Variants in VAC14 observed in about 807,000 individuals in gnomAD.
VAC14 encodes the protein VAC14 component of PIKFYVE complex.
Under a neutral mutation model 85.3 loss-of-function variants are expected in VAC14, and 47 were observed. That is an observed-to-expected ratio of 0.55 (90% confidence interval 0.44 to 0.70). The LOEUF (loss-of-function observed/expected upper bound fraction) is 0.70, where lower values mean the gene tolerates loss of function less well. Ranked by LOEUF, VAC14 falls within the 30% of genes least tolerant of loss-of-function variation. VAC14 has a pLI of 0.00. For synonymous variants in VAC14, 447 were observed against 430.5 expected (o/e 1.04, Z -0.47); for missense variants, 861 against 1,004.3 (o/e 0.86, Z 1.93).
chr16:70,696,751 A>T, intron 16 of VAC14: 1 of 225,708 alleles, frequency 4.4e-6, no homozygotes, highest in South Asian at 6.7e-5. Flanking sequence ...CCCCCACACC[A>T]GGCCCAGGAG....
At chr16:70,799,987 T>C (rs1297189154) in intron 1 of VAC14, among the ~76,000 whole-genome samples, 1 of 152,192 alleles carries the variant, frequency 6.6e-6, no homozygotes. Context: ...AGAAATACAA[T>C]TCACCTTTTC....
At chr16:70,695,798 T>C (rs1372410627) in intron 16 of VAC14, 175 bp from the exon 17 acceptor site, 2 of 596,222 alleles carry the variant, frequency 3.4e-6, no homozygotes, top group Non-Finnish European at 6.0e-6. Flanking sequence ...CTTTCTGTCC[T>C]AAATGGAACT....
At position 70,780,207 on chromosome 16, in the gene VAC14, A is replaced by G. The variant is rs574254007; in HGVS notation, c.1096+583T>C. On this transcript the variant is annotated intron_variant, in intron 9 of 18. Transcript: ENST00000261776. ...CAGCTAAACAAGAAAATTATGTTAGAGGAGTCTGAAAGGAGAGCAGAGCAA... is the reference window on the plus strand; with the variant it reads ...CAGCTAAACAAGAAAATTATGTTAGGGGAGTCTGAAAGGAGAGCAGAGCAA... 9.9e-5 allele frequency among the ~76,000 whole-genome samples: 15 copies of G among 152,222 alleles called. No homozygotes were observed. In the South Asian group the frequency reaches 3.1e-3, roughly 32 times the overall value.
rs116245403 is a variant in VAC14, at chr16:70,755,687, C to G, written c.1371+6853G>C. On this transcript the variant is annotated intron_variant, in intron 12 of 18. Transcript: ENST00000261776. Reference sequence around the variant, plus strand: ...TCCTCCTAGTCTCCTCCCACTGATACGAGGGGTTGACACATGACCCACCAC... The same window carrying G: ...TCCTCCTAGTCTCCTCCCACTGATAGGAGGGGTTGACACATGACCCACCAC... Among the ~76,000 whole-genome samples, 31 of 152,316 alleles carry G rather than the reference C, an allele frequency of 2.0e-4. 2 individuals are homozygous for G. The South Asian group carries it at 6.0e-3, about 30-fold the overall frequency.
intron 10 of VAC14, chr16:70,766,461 GA>G (rs1361667893): frequency 2.2e-6 from 1 of 456,584 alleles, no homozygotes; most frequent in Non-Finnish European, 4.4e-6. Flanking sequence ...TGAACACAGC[GA>G]ACCTGAAGGT....
chr16:70,740,812 A>C (rs1200622034), intron 13 of VAC14, among the ~76,000 whole-genome samples: 4 of 152,190 alleles, frequency 2.6e-5, no homozygotes, highest in Non-Finnish European at 5.9e-5. Flanking sequence ...GGGTGGGAGA[A>C]GCCTCTGCCT....
intron 14 of VAC14, among the ~76,000 whole-genome samples, chr16:70,722,375 G>A (rs929207889): frequency 2.6e-5 from 4 of 152,234 alleles, no homozygotes; most frequent in African/African-American, 9.6e-5. Flanking sequence ...TCAGAGACAG[G>A]AGCTCTCTCC....
At chr16:70,735,063 C>T (rs528645954) in intron 13 of VAC14, among the ~76,000 whole-genome samples, 9 of 152,180 alleles carry the variant, frequency 5.9e-5, no homozygotes, top group African/African-American at 1.7e-4. Flanking sequence ...GGCATAAAGA[C>T]GGAAACCCAG....
chr16:70,751,806 C>T (rs866669167), intron 12 of VAC14, among the ~76,000 whole-genome samples: 3 of 152,214 alleles, frequency 2.0e-5, no homozygotes, highest in Non-Finnish European at 2.9e-5. Flanking sequence ...CAGAGGCCTC[C>T]GCCCTGGACA....
intron 9 of VAC14, chr16:70,773,320 CCTGT>C (rs1323887740): frequency 3.3e-5 from 5 of 152,200 alleles, no homozygotes; most frequent in Non-Finnish European, 5.9e-5. Context: ...CAACTCAATA[CCTGT>C]CTTAGTATTT....
At position 70,731,603 on chromosome 16, in the gene VAC14, G is replaced by C; in HGVS notation, c.1553C>G (p.Pro518Arg). 6.2e-7 allele frequency: 1 copy of C among 1,614,102 alleles called. No individual in the cohort carries two copies. ...TSGTKGLECS[P>R]STPTMNSYFY... Reference sequence around the variant, plus strand: ...GTAAGAATTCATGGTGGGAGTTGAAGGAGAACATTCTAAGCCTTTGGTACC... The same window carrying C: ...GTAAGAATTCATGGTGGGAGTTGAACGAGAACATTCTAAGCCTTTGGTACC... The change falls in exon 14 of 19, where the codon CCT (proline) becomes CGT (arginine). Residue 518 changes from proline (P) to arginine (R), a missense_variant. Coordinates refer to ENST00000261776, the MANE Select transcript of VAC14 (RefSeq NM_018052.5).
At chr16:70,764,611 T>G (rs1345284277) in intron 10 of VAC14, among the ~76,000 whole-genome samples, 2 of 152,230 alleles carry the variant, frequency 1.3e-5, no homozygotes, top group African/African-American at 4.8e-5. Flanking sequence ...TGAAATGAAT[T>G]TCAATGCTGT....
Position 70,744,523 on chromosome 16 carries a change from C to A in VAC14, c.1428G>T (p.Gln476His), listed in dbSNP as rs1365966462. 6.2e-7 allele frequency: 1 copy of A among 1,612,744 alleles called. No homozygotes were observed. The highest frequency in any genetic ancestry group is 1.3e-5 in the African/African-American group (1 of 74,858). Residue 476 changes from glutamine to histidine, a missense_variant, in exon 13 of 19, where the codon CAG becomes CAT. By Grantham distance (24) the Gln-to-His change is conservative. Around this residue, in one of 3 missense-constraint regions of VAC14, gnomAD observed 629 missense variants for 703.1 expected, o/e 0.89. Transcript: ENST00000261776. ...CATCGAGGGGGCCTGGGTCATCCGT[C>A]TGGCCTGCGGGGGAGGAAGCGATTT... ...LAEIASSPAG[Q>H]TDDPGPLDGP...
intron 12 of VAC14, among the ~76,000 whole-genome samples, chr16:70,748,454 G>C (rs1427966333): frequency 1.3e-5 from 2 of 152,208 alleles, no homozygotes. Context: ...AGCATGAGTT[G>C]GCCAAGGGAG....
At chr16:70,781,779 A>C in intron 8 of VAC14, 90 bp downstream of exon 8, 11 of 1,527,652 alleles carry the variant, frequency 7.2e-6, no homozygotes, top group Non-Finnish European at 9.8e-6. Context: ...ATGGATCCTA[A>C]GAGAGCCCCC....
At chr16:70,789,509 A>G (rs556633756) in intron 1 of VAC14, among the ~76,000 whole-genome samples, 4 of 152,336 alleles carry the variant, frequency 2.6e-5, no homozygotes, top group African/African-American at 9.6e-5. Flanking sequence ...CATCTGGGGC[A>G]TTGGTGGTTC....
intron 13 of VAC14, among the ~76,000 whole-genome samples, chr16:70,734,091 G>GGATT (rs775250964): frequency 1.2e-4 from 18 of 152,124 alleles, no homozygotes; most frequent in Non-Finnish European, 2.1e-4. Flanking sequence ...CAAAGTGCTG[G>GGATT]GATTACAAGT....
At chr16:70,707,662 G>A (rs977313566) in intron 14 of VAC14, among the ~76,000 whole-genome samples, 29 of 152,174 alleles carry the variant, frequency 1.9e-4, no homozygotes, top group African/African-American at 6.3e-4. Context: ...GCTTGCTCTA[G>A]AGAGCAAGTT....
rs984242200 is a variant in VAC14, at chr16:70,749,774, C to T, written c.1372-5195G>A. Reference sequence around the variant, plus strand: ...TGCCCCTCCAGTCCGGCTGCTGCTTCGCTCCCAGTTGCTAGCAAACCTGAC... The same window carrying T: ...TGCCCCTCCAGTCCGGCTGCTGCTTTGCTCCCAGTTGCTAGCAAACCTGAC... On this transcript the variant is annotated intron_variant, in intron 12 of 18. Transcript: ENST00000261776. 5.3e-5 allele frequency among the ~76,000 whole-genome samples: 8 copies of T among 152,238 alleles called. No individual in the cohort carries two copies. The East Asian group carries it at 7.7e-4, about 15-fold the overall frequency.
Sources: allele counts gnomAD v4.1 joint callset (sites outside exome capture counted in the v4.1 genomes callset), GRCh38; gene constraint gnomAD v4.1.1; regional missense constraint gnomAD v4.1.1; transcripts MANE v1.5; gene names NCBI Gene and HGNC (gene_info 2026-07-23, HGNC 2026-07-21).